SGCD: variants seen among roughly 807,000 people sequenced by gnomAD.
SGCD encodes the protein delta-sarcoglycan.
SGCD carries 18 observed loss-of-function variants against 36.6 expected under a neutral mutation model. The ratio of observed to expected loss-of-function variants is 0.49; its 90% CI spans 0.34 to 0.73. The LOEUF (loss-of-function observed/expected upper bound fraction) is 0.73. Ranked by LOEUF, SGCD falls within the 30% of genes least tolerant of loss-of-function variation. The pLI, the probability that SGCD is intolerant of heterozygous loss-of-function variation, is 0.01. For synonymous variants in SGCD, 133 were observed against 130.6 expected, an observed-to-expected ratio of 1.02 and a Z score of -0.12; for missense variants, 387 against 346.7, an observed-to-expected ratio of 1.12 and a Z score of -0.92.
chr5:156,192,062 C>T (rs1345357160), intron 3 of SGCD, among the ~76,000 whole-genome samples: 1 of 152,174 alleles, frequency 6.6e-6, no homozygotes, highest in Non-Finnish European at 1.5e-5. Context: ...CAATAGTCAT[C>T]TCCATTTTTC....
intron 3 of SGCD, among the ~76,000 whole-genome samples, chr5:156,199,196 A>G (rs1262834699): frequency 6.6e-6 from 1 of 152,142 alleles, no homozygotes; most frequent in Non-Finnish European, 1.5e-5. Context: ...CTTTAGAGCC[A>G]TTTCAGTGAA....
chr5:156,317,645 G>A (rs1767553259), intron 3 of SGCD, among the ~76,000 whole-genome samples: 2 of 152,096 alleles, frequency 1.3e-5, no homozygotes, highest in Admixed American at 6.5e-5. Context: ...CCCAAATATA[G>A]TTTTTCAGTG....
intron 1 of SGCD, among the ~76,000 whole-genome samples, chr5:156,087,016 G>A (rs1326658600): frequency 1.3e-5 from 2 of 152,154 alleles, no homozygotes; most frequent in Non-Finnish European, 2.9e-5. Flanking sequence ...GCCTGTTGGA[G>A]CATTGTAATA....
chr5:156,556,380 A>G (rs907333151), intron 4 of SGCD, among the ~76,000 whole-genome samples: 2 of 152,040 alleles, frequency 1.3e-5, no homozygotes, highest in African/African-American at 4.8e-5. Flanking sequence ...TGCTGTCCCA[A>G]TGTCCAAATT....
intron 1 of SGCD, among the ~76,000 whole-genome samples, chr5:155,926,044 C>T (rs112502305): frequency 2.0e-5 from 3 of 152,012 alleles, no homozygotes; most frequent in South Asian, 2.1e-4. Context: ...ATTATAAAAG[C>T]GAGCCACTGT....
chr5:156,191,713 T>C (rs1763899112), intron 3 of SGCD, among the ~76,000 whole-genome samples: 1 of 152,040 alleles, frequency 6.6e-6, no homozygotes, highest in African/African-American at 2.4e-5. Context: ...CAGATAAAGC[T>C]CAAAGAGAGA....
intron 6 of SGCD, among the ~76,000 whole-genome samples, chr5:156,618,592 CAAAAAAAAAA>C (rs748789128): frequency 9.2e-5 from 7 of 76,362 alleles, no homozygotes; most frequent in Non-Finnish European, 1.3e-4. Flanking sequence ...TCATAATTCT[CAAAAAAAAAA>C]AAAAAAAAAA....
chr5:155,937,508 G>C (rs1399839838), intron 1 of SGCD, among the ~76,000 whole-genome samples: 1 of 152,206 alleles, frequency 6.6e-6, no homozygotes, highest in Non-Finnish European at 1.5e-5. Context: ...AGAAGTGGAG[G>C]GAGAAAGGAA....
intron 1 of SGCD, among the ~76,000 whole-genome samples, chr5:156,024,151 C>T (rs1759172210): frequency 6.6e-6 from 1 of 152,106 alleles, no homozygotes; most frequent in East Asian, 1.9e-4. Flanking sequence ...TCAGACCTTT[C>T]TTCTACAAAA....
At chr5:156,054,347 G>A (rs922374359) in intron 1 of SGCD, among the ~76,000 whole-genome samples, 4 of 136,634 alleles carry the variant, frequency 2.9e-5, no homozygotes, top group Admixed American at 1.5e-4. Context: ...GTGCAGTGGC[G>A]CGATCTCGGC....
the SGCD span, among the ~76,000 whole-genome samples, chr5:155,793,384 C>T: frequency 1.3e-5 from 2 of 151,718 alleles, no homozygotes; most frequent in Non-Finnish European, 2.9e-5. Flanking sequence ...CATGTACCCC[C>T]GAAACCAAAA....
chr5:156,109,623 G>A (rs959057800), intron 1 of SGCD, among the ~76,000 whole-genome samples: 11 of 152,176 alleles, frequency 7.2e-5, no homozygotes, highest in African/African-American at 2.2e-4. Context: ...TCTCTTCCAA[G>A]CTTTCTTACC....
Position 156,299,271 on chromosome 5 carries a change from G to T in SGCD, c.-43-30263G>T, listed in dbSNP as rs140743079. 1.9e-3 allele frequency among the ~76,000 whole-genome samples: 288 copies of T among 152,014 alleles called. 1 individual carries two copies. Among genetic ancestry groups the T allele is most frequent in the African/African-American group, 6.5e-3 (270 of 41,446 alleles). ...CTGTAGATGCATGGATTTATTTGGG[G>T]GTCCTATGTGCTATTCCACTTGTCT... On this transcript the variant is annotated intron_variant, in intron 3 of 9. Coordinates refer to the SGCD transcript ENST00000517913.
the SGCD span, among the ~76,000 whole-genome samples, chr5:155,778,189 A>T: frequency 6.6e-6 from 1 of 152,210 alleles, no homozygotes; most frequent in Non-Finnish European, 1.5e-5. Flanking sequence ...GATAATGCAC[A>T]TGGTAAACTG....
intron 1 of SGCD, among the ~76,000 whole-genome samples, chr5:155,940,491 AT>A (rs1315149787): frequency 1.3e-5 from 2 of 152,210 alleles, no homozygotes; most frequent in Non-Finnish European, 2.9e-5. Context: ...AGTCTGCATC[AT>A]TTGGGCTGAT....
At chr5:156,189,272 G>C (rs547735848) in intron 3 of SGCD, among the ~76,000 whole-genome samples, 1 of 152,248 alleles carries the variant, frequency 6.6e-6, no homozygotes, top group South Asian at 2.1e-4. Flanking sequence ...AACCTCTGGG[G>C]GTTGAAAATG....
chr5:156,616,986 T>A (rs62380866), intron 6 of SGCD, among the ~76,000 whole-genome samples: 1 of 152,232 alleles, frequency 6.6e-6, no homozygotes, highest in Non-Finnish European at 1.5e-5. Context: ...AAAAAAAGTT[T>A]GCCAGTTCCT....
intron 1 of SGCD, among the ~76,000 whole-genome samples, chr5:155,934,715 A>G (rs74444839): frequency 0.035 from 5,312 of 152,202 alleles, 337 homozygotes; most frequent in African/African-American, 0.12. Context: ...TCCTCACTCT[A>G]TGATTTAGGA....
intron 1 of SGCD, among the ~76,000 whole-genome samples, chr5:156,033,923 A>C (rs1456815325): frequency 6.6e-6 from 1 of 152,160 alleles, no homozygotes; most frequent in Non-Finnish European, 1.5e-5. Flanking sequence ...CAGCCAAATC[A>C]AACTGTTCAA....
Sources: gnomAD v4.1 joint callset for allele counts (sites outside exome capture counted in the v4.1 genomes callset) on GRCh38, gnomAD v4.1.1 for gene constraint, MANE v1.5 for transcripts, NCBI Gene and HGNC (gene_info 2026-07-23, HGNC 2026-07-21) for gene names.